The following NBEA variants were observed in gnomAD, a reference collection of about 807,000 sequenced individuals.
NBEA encodes the protein lysosomal-trafficking regulator 2.
A neutral mutation model predicts 343.4 loss-of-function variants in NBEA; 44 were observed. The observed-to-expected ratio is 0.13, with a 90% confidence interval of 0.10 to 0.16. The LOEUF (loss-of-function observed/expected upper bound fraction) is 0.16, where lower values mean the gene tolerates loss of function less well. Among genes scored for constraint, NBEA ranks in the 10% least tolerant of loss-of-function variants. The pLI is 1.00. For synonymous variants in NBEA, 1,175 were observed against 1,238.7 expected, an observed-to-expected ratio of 0.95 and a Z score of 1.08; for missense variants, 2,555 against 3,631.3, an observed-to-expected ratio of 0.70 and a Z score of 7.62.
intron 1 of NBEA, among the ~76,000 whole-genome samples, chr13:34,976,602 T>C (rs974178787): frequency 2.0e-5 from 3 of 151,862 alleles, no homozygotes; most frequent in Non-Finnish European, 2.9e-5. Flanking sequence ...TACAAAGAAT[T>C]ATGACTTTCT....
chr13:35,306,199 C>A (rs949818037), intron 35 of NBEA, among the ~76,000 whole-genome samples: 1 of 152,016 alleles, frequency 6.6e-6, no homozygotes, highest in African/African-American at 2.4e-5. Context: ...AAGCCTCTTC[C>A]TTAACCCTGG....
At chr13:35,634,321 C>A (rs1224534800) in intron 49 of NBEA, among the ~76,000 whole-genome samples, 1 of 152,006 alleles carries the variant, frequency 6.6e-6, no homozygotes, top group South Asian at 2.1e-4. Context: ...CCAGCCTGGG[C>A]GACAGAGTGA....
chr13:35,555,165 G>A, intron 44 of NBEA, 63 bp downstream of exon 44: 1 of 873,452 alleles, frequency 1.1e-6, no homozygotes, highest in Non-Finnish European at 1.7e-6. Context: ...TGGTAATGTA[G>A]CCTGATATAA....
chr13:35,279,695 G>A (rs1228671288), intron 34 of NBEA, among the ~76,000 whole-genome samples: 1 of 152,094 alleles, frequency 6.6e-6, no homozygotes, highest in African/African-American at 2.4e-5. Flanking sequence ...CAGACTAGGA[G>A]GTCAGGCCCA....
intron 35 of NBEA, among the ~76,000 whole-genome samples, chr13:35,295,179 T>A (rs1270975585): frequency 6.7e-6 from 1 of 149,464 alleles, no homozygotes; most frequent in East Asian, 1.9e-4. Flanking sequence ...TTATCTAGGG[T>A]ATTATCCATT....
intron 49 of NBEA, among the ~76,000 whole-genome samples, chr13:35,645,237 G>A (rs947401217): frequency 6.6e-5 from 10 of 152,094 alleles, no homozygotes; most frequent in South Asian, 4.1e-4. Context: ...TCACTTTTAC[G>A]TGCAACCAAA....
intron 35 of NBEA, among the ~76,000 whole-genome samples, chr13:35,304,737 G>T (rs907702927): frequency 6.6e-6 from 1 of 151,750 alleles, no homozygotes; most frequent in African/African-American, 2.4e-5. Flanking sequence ...AACTATCACT[G>T]TTCTAAAAAA....
chr13:35,045,463 T>A (rs1566204066), intron 4 of NBEA, 62 bp downstream of exon 4: 10 of 1,293,084 alleles, frequency 7.7e-6, no homozygotes, highest in Non-Finnish European at 9.6e-6. Flanking sequence ...TTTAGTAAGG[T>A]TTAACTTACA....
At chr13:35,415,592 T>C (rs1227405091) in intron 38 of NBEA, among the ~76,000 whole-genome samples, 1 of 152,212 alleles carries the variant, frequency 6.6e-6, no homozygotes, top group Non-Finnish European at 1.5e-5. Context: ...CATTGGTCTA[T>C]GTCTCTGTTT....
intron 31 of NBEA, among the ~76,000 whole-genome samples, chr13:35,199,734 T>G (rs2072882717): frequency 6.6e-6 from 1 of 152,140 alleles, no homozygotes. Context: ...TTCAGTGTTT[T>G]GAAGTTTATA....
At chr13:34,976,072 C>T (rs532161575) in intron 1 of NBEA, among the ~76,000 whole-genome samples, 1 of 152,244 alleles carries the variant, frequency 6.6e-6, no homozygotes, top group African/African-American at 2.4e-5. Flanking sequence ...CCCACTACTA[C>T]GTATCTACCC....
At chr13:35,662,543 G>A (rs1402512686) in intron 55 of NBEA, among the ~76,000 whole-genome samples, 2 of 152,136 alleles carry the variant, frequency 1.3e-5, no homozygotes, top group Non-Finnish European at 2.9e-5. Context: ...AACTCAGAAA[G>A]CCTGGAATGG....
chr13:35,272,682 CA>C (rs1049106476), intron 34 of NBEA, among the ~76,000 whole-genome samples: 1 of 150,686 alleles, frequency 6.6e-6, no homozygotes, highest in Non-Finnish European at 1.5e-5. Flanking sequence ...AAATGGAAAG[CA>C]AAAAAAAGCA....
intron 38 of NBEA, among the ~76,000 whole-genome samples, chr13:35,402,462 T>A (rs376029606): frequency 2.0e-4 from 31 of 152,052 alleles, no homozygotes; most frequent in African/African-American, 7.2e-4. Flanking sequence ...ATTATTATAA[T>A]ACTCTTAATG....
intron 35 of NBEA, among the ~76,000 whole-genome samples, chr13:35,298,705 A>T (rs2036330120): frequency 1.3e-5 from 2 of 151,998 alleles, no homozygotes; most frequent in African/African-American, 4.8e-5. Context: ...TAATTTAGTG[A>T]TCACCTAAAG....
intron 12 of NBEA, 126 bp from the exon 13 acceptor site, chr13:35,110,684 C>A: frequency 1.8e-6 from 1 of 564,158 alleles, no homozygotes; most frequent in Non-Finnish European, 2.8e-6. Context: ...TTATTTTTAA[C>A]CTCATAATAA....
At chr13:35,422,228 A>G (rs1377518734) in intron 38 of NBEA, among the ~76,000 whole-genome samples, 1 of 150,732 alleles carries the variant, frequency 6.6e-6, no homozygotes, top group African/African-American at 2.4e-5. Flanking sequence ...TACACGTGCC[A>G]TGTTGGTATG....
rs192504397 is a variant in NBEA at position 34,946,968 on chromosome 13, G to A, written c.294+3854G>A. Among the ~76,000 whole-genome samples, 639 of 150,960 alleles carry A rather than the reference G, an allele frequency of 4.2e-3. 6 individuals are homozygous for A. The highest frequency in any genetic ancestry group is 0.015 in the African/African-American group (602 of 41,118). On this transcript the variant is annotated intron_variant, in intron 1 of 58. Coordinates refer to ENST00000379939, the MANE Select transcript of NBEA (RefSeq NM_001385012.1). ...ATATTTAGAATTTTACAAACAAGGT[G>A]TCTTCTGCATTTGAATTATATTTAT...
intron 38 of NBEA, among the ~76,000 whole-genome samples, chr13:35,403,655 G>T (rs1262680865): frequency 1.3e-5 from 2 of 151,920 alleles, no homozygotes; most frequent in Non-Finnish European, 2.9e-5. Context: ...AAAGTCCCTA[G>T]AAGAAAACCT....
Sources: gnomAD v4.1 joint callset for allele counts (sites outside exome capture counted in the v4.1 genomes callset) on GRCh38, gnomAD v4.1.1 for gene constraint, MANE v1.5 for transcripts, NCBI Gene and HGNC (gene_info 2026-07-23, HGNC 2026-07-21) for gene names.